The following KDM3B variants were observed in gnomAD, a reference collection of about 807,000 sequenced individuals.
The protein encoded by KDM3B is lysine demethylase 3B.
A neutral mutation model predicts 170.0 loss-of-function variants in KDM3B; 10 were observed. The ratio of observed to expected loss-of-function variants is 0.06; its 90% CI spans 0.04 to 0.10. The LOEUF (loss-of-function observed/expected upper bound fraction) is 0.10, where lower values mean the gene tolerates loss of function less well. KDM3B is among the 10% of genes least tolerant of loss of function. KDM3B has a pLI of 1.00. For missense variants in KDM3B, 1,394 were observed against 2,195.2 expected (o/e 0.64, Z 7.29); for synonymous variants, 831 against 834.8 (o/e 1.00, Z 0.08).
At chr5:138,360,238 C>T (rs906761085) in intron 1 of KDM3B, among the ~76,000 whole-genome samples, 1 of 152,076 alleles carries the variant, frequency 6.6e-6, no homozygotes, top group African/African-American at 2.4e-5. Flanking sequence ...ACTTACAATT[C>T]CAAAAGTTGA....
intron 2 of KDM3B, among the ~76,000 whole-genome samples, chr5:138,373,547 A>G (rs935576760): frequency 6.6e-6 from 1 of 151,944 alleles, no homozygotes; most frequent in African/African-American, 2.4e-5. Flanking sequence ...GCTCGGTGCA[A>G]TCAGAGCTCA....
At chr5:138,383,284 G>A (rs994625938) in intron 6 of KDM3B, among the ~76,000 whole-genome samples, 10 of 151,796 alleles carry the variant, frequency 6.6e-5, no homozygotes, top group Non-Finnish European at 1.0e-4. Context: ...GACTACAGGC[G>A]CACACCACCA....
rs540946381 is a variant in KDM3B at position 138,421,707 on chromosome 5, TAAAAG to T, written c.3972+751_3972+755del. Among the ~76,000 whole-genome samples the T allele has an allele frequency of 3.9e-3, 599 of 152,178 alleles. 2 individuals carry two copies. The highest frequency in any genetic ancestry group is 0.014 in the African/African-American group (579 of 41,492). ...CTTTTTATTAAGAAATAAAGAAAAA[TAAAAG>T]AAAAGGAGAAAAATAATAAAATATA... On this transcript the variant is annotated intron_variant, in intron 15 of 23. Transcript: ENST00000314358.
intron 6 of KDM3B, among the ~76,000 whole-genome samples, chr5:138,384,916 G>GA (rs766207020): frequency 2.9e-3 from 305 of 106,760 alleles, no homozygotes; most frequent in Middle Eastern, 5.6e-3. Flanking sequence ...TCCATCTCAG[G>GA]AAAAAAAAAA....
Position 138,401,932 on chromosome 5 carries a change from TTTG to T in KDM3B, c.3199+1929_3199+1931del, listed in dbSNP as rs1254414279. Among the ~76,000 whole-genome samples the T allele has an allele frequency of 3.3e-5, 5 of 152,210 alleles. No homozygotes were observed. In the South Asian group the frequency reaches 8.3e-4, roughly 25 times the overall value. On this transcript the variant is annotated intron_variant, in intron 11 of 23. Transcript: ENST00000314358. ...ACTTTTCTTTTTTCTTTCTTTTTTT[TTTG>T]TTGTTGTTTTTAAGAAAGGGTCTCG...
At chr5:138,421,509 T>A (rs1763273249) in intron 15 of KDM3B, among the ~76,000 whole-genome samples, 1 of 152,204 alleles carries the variant, frequency 6.6e-6, no homozygotes, top group Non-Finnish European at 1.5e-5. Flanking sequence ...ATATTCAGAA[T>A]CCACTCATTT....
chr5:138,377,813 A>C lies in KDM3B; in HGVS notation c.568A>C (p.Ile190Leu), dbSNP rs1762035681. The change falls in exon 4 of 24, where the codon ATA (isoleucine) becomes CTA (leucine). Residue 190 changes from isoleucine (I) to leucine (L), a missense_variant. By Grantham distance (5) the Ile-to-Leu change is conservative. Around this residue, in one of 19 missense-constraint regions of KDM3B, gnomAD observed 166 missense variants for 216.4 expected, o/e 0.77. Coordinates refer to ENST00000314358, the MANE Select transcript of KDM3B (RefSeq NM_016604.4). ...ALISDQKLQE[I>L]FSRGPYSVQG... The stretch of plus-strand genomic sequence containing the variant: ...GATCAGTGACCAAAAGCTACAAGAG[A>C]TATTCAGCCGAGGTAAGAACGGATA... 3.1e-6 allele frequency: 5 copies of C among 1,612,484 alleles called. No homozygotes were observed. The East Asian group carries it at 1.1e-4, about 36-fold the overall frequency.
intron 1 of KDM3B, 84 bp downstream of exon 1, chr5:138,353,071 G>A: frequency 2.0e-6 from 2 of 988,998 alleles, no homozygotes; most frequent in Non-Finnish European, 2.6e-6. Context: ...TGAGGGGGCG[G>A]TGGGATGGGG....
At chr5:138,366,059 G>A (rs1328988122) in intron 1 of KDM3B, among the ~76,000 whole-genome samples, 1 of 151,860 alleles carries the variant, frequency 6.6e-6, no homozygotes, top group African/African-American at 2.4e-5. Context: ...CTAAAATACT[G>A]TTCACTCTCT....
At chr5:138,401,822 T>C (rs1400524317) in intron 11 of KDM3B, among the ~76,000 whole-genome samples, 2 of 152,252 alleles carry the variant, frequency 1.3e-5, no homozygotes, top group African/African-American at 4.8e-5. Flanking sequence ...ACAGTGGCTG[T>C]GACGTAGTAT....
intron 17 of KDM3B, chr5:138,425,827 G>A (rs570830767): frequency 1.6e-5 from 5 of 321,706 alleles, no homozygotes; most frequent in East Asian, 1.1e-4. Flanking sequence ...CCAACTTAGC[G>A]AAACCCCACC....
chr5:138,392,370 C>A, intron 8 of KDM3B, 109 bp downstream of exon 8: 1 of 1,146,826 alleles, frequency 8.7e-7, no homozygotes, highest in Non-Finnish European at 1.2e-6. Flanking sequence ...TCTGTAATCT[C>A]ATAGAATTAC....
At chr5:138,422,186 C>T (rs1237060049) in intron 15 of KDM3B, among the ~76,000 whole-genome samples, 7 of 152,192 alleles carry the variant, frequency 4.6e-5, no homozygotes, top group Non-Finnish European at 7.3e-5. Flanking sequence ...GCACTCATTA[C>T]CATCTGACCT....
intron 1 of KDM3B, among the ~76,000 whole-genome samples, chr5:138,370,995 G>A (rs1039548255): frequency 1.3e-5 from 2 of 152,044 alleles, no homozygotes; most frequent in Non-Finnish European, 2.9e-5. Flanking sequence ...TTTTAGTAGA[G>A]ACAGGGTTTC....
rs1762777237 is a variant in KDM3B, at chr5:138,404,885, CT to C, written c.3199+4874del. ...GATTACAGGCATGTGCCACCATGCC[CT>C]GCTAATTTTTGTGGGGTTTTTTATA... is the stretch of plus-strand genomic sequence containing the variant. On this transcript the variant is annotated intron_variant, in intron 11 of 23. Coordinates refer to ENST00000314358, the MANE Select transcript of KDM3B (RefSeq NM_016604.4). 2.0e-5 allele frequency among the ~76,000 whole-genome samples: 3 copies of C among 151,004 alleles called. No individual in the cohort carries two copies. The South Asian group carries it at 6.3e-4, about 32-fold the overall frequency.
chr5:138,377,628 A>G, intron 3 of KDM3B, 92 bp from the exon 4 acceptor site: 1 of 864,172 alleles, frequency 1.2e-6, no homozygotes, highest in Admixed American at 1.9e-5. Flanking sequence ...AAATGTTGAT[A>G]TACAGCTCCT....
chr5:138,425,719 AACAG>A (rs1387258713), intron 17 of KDM3B, 137 bp downstream of exon 17: 9 of 799,942 alleles, frequency 1.1e-5, no homozygotes, highest in Admixed American at 8.8e-5. Flanking sequence ...AAAAATTAAA[AACAG>A]ACAGCCGGGC....
intron 9 of KDM3B, among the ~76,000 whole-genome samples, chr5:138,396,931 A>C (rs906411379): frequency 2.0e-5 from 3 of 152,142 alleles, no homozygotes; most frequent in Non-Finnish European, 4.4e-5. Flanking sequence ...TATGCCTATA[A>C]TCCCTACACT....
At chr5:138,397,367 A>T (rs1359715725) in intron 9 of KDM3B, among the ~76,000 whole-genome samples, 1 of 151,702 alleles carries the variant, frequency 6.6e-6, no homozygotes, top group Admixed American at 6.6e-5. Flanking sequence ...AATTATTTGG[A>T]TGTGGTGGCA....
Sources: gnomAD v4.1 joint callset for allele counts (sites outside exome capture counted in the v4.1 genomes callset) on GRCh38, gnomAD v4.1.1 for gene constraint, gnomAD v4.1.1 regional missense constraint, MANE v1.5 for transcripts, NCBI Gene and HGNC (gene_info 2026-07-23, HGNC 2026-07-21) for gene names.